The following ADGRB3 variants were observed in gnomAD, a reference collection of about 807,000 sequenced individuals.
ADGRB3 encodes the protein adhesion G protein-coupled receptor B3.
ADGRB3 carries 37 observed loss-of-function variants against 193.4 expected under a neutral mutation model. That is an observed-to-expected ratio of 0.19 (90% confidence interval 0.15 to 0.25). The LOEUF is 0.25. Among genes scored for constraint, ADGRB3 ranks in the 10% least tolerant of loss-of-function variants. The probability of loss-of-function intolerance (pLI) is 1.00; values close to 1 mark genes in which losing one functional copy is unlikely to be tolerated. For synonymous variants in ADGRB3, 690 were observed against 644.2 expected, an observed-to-expected ratio of 1.07 and a Z score of -1.08; for missense variants, 1,637 against 1,852.9, an observed-to-expected ratio of 0.88 and a Z score of 2.14.
chr6:68,995,870 A>G (rs1021812058), intron 11 of ADGRB3, among the ~76,000 whole-genome samples: 1 of 151,920 alleles, frequency 6.6e-6, no homozygotes, highest in Non-Finnish European at 1.5e-5. Flanking sequence ...TCTGAAAATG[A>G]TTTTTCTCTT....
chr6:68,783,409 C>G (rs1160276485), intron 3 of ADGRB3, among the ~76,000 whole-genome samples: 2 of 150,594 alleles, frequency 1.3e-5, no homozygotes, highest in Admixed American at 6.6e-5. Context: ...CTAGGCTATA[C>G]TGCAGTAGCC....
intron 3 of ADGRB3, among the ~76,000 whole-genome samples, chr6:68,728,340 T>C (rs9351734): frequency 0.28 from 42,179 of 151,116 alleles, 6,456 homozygotes; most frequent in Middle Eastern, 0.35. Context: ...GATTTATGTA[T>C]GCAAATTAAG....
chr6:69,380,674 A>T (rs1002371324), intron 30 of ADGRB3, among the ~76,000 whole-genome samples: 1 of 151,964 alleles, frequency 6.6e-6, no homozygotes, highest in African/African-American at 2.4e-5. Context: ...CCTCACTTGG[A>T]TTTATCTTAG....
intron 13 of ADGRB3, among the ~76,000 whole-genome samples, chr6:69,031,955 C>T (rs1770724559): frequency 6.6e-6 from 1 of 152,014 alleles, no homozygotes; most frequent in South Asian, 2.1e-4. Flanking sequence ...CTATGAAGAG[C>T]TTGAATTTCT....
chr6:69,360,418 A>G (rs1582656437), intron 28 of ADGRB3, among the ~76,000 whole-genome samples: 1 of 152,058 alleles, frequency 6.6e-6, no homozygotes, highest in South Asian at 2.1e-4. Context: ...TTCAAGAAGC[A>G]TTTTAATGAG....
chr6:68,744,494 C>G (rs1766043243), intron 3 of ADGRB3, among the ~76,000 whole-genome samples: 1 of 152,072 alleles, frequency 6.6e-6, no homozygotes, highest in South Asian at 2.1e-4. Context: ...GACCAAAAGC[C>G]CATCATTGAT....
chr6:69,042,055 A>G (rs1282204481), intron 13 of ADGRB3, among the ~76,000 whole-genome samples: 2 of 152,050 alleles, frequency 1.3e-5, no homozygotes, highest in Non-Finnish European at 2.9e-5. Context: ...GTGATAATTA[A>G]TTGGTTCTCA....
At chr6:68,709,514 A>G (rs180901468) in intron 3 of ADGRB3, among the ~76,000 whole-genome samples, 2 of 152,290 alleles carry the variant, frequency 1.3e-5, no homozygotes, top group African/African-American at 2.4e-5. Context: ...TGCCAGAGGA[A>G]TCAGGGGGCT....
At chr6:68,647,121 A>C (rs1768234659) in intron 3 of ADGRB3, among the ~76,000 whole-genome samples, 1 of 152,200 alleles carries the variant, frequency 6.6e-6, no homozygotes, top group African/African-American at 2.4e-5. Flanking sequence ...GCTCTCTAGA[A>C]TGAGACCTGC....
chr6:68,742,259 TC>T (rs1765996687), intron 3 of ADGRB3, among the ~76,000 whole-genome samples: 1 of 152,194 alleles, frequency 6.6e-6, no homozygotes, highest in East Asian at 1.9e-4. Flanking sequence ...ATATTGTAAT[TC>T]TTCCAGTTCT....
intron 17 of ADGRB3, among the ~76,000 whole-genome samples, chr6:69,174,790 A>G (rs1775379274): frequency 6.6e-6 from 1 of 152,144 alleles, no homozygotes; most frequent in Non-Finnish European, 1.5e-5. Flanking sequence ...ACTTTTTAAT[A>G]ATAGCTATTC....
chr6:69,006,389 C>A (rs1000555353), intron 11 of ADGRB3, among the ~76,000 whole-genome samples: 2 of 152,032 alleles, frequency 1.3e-5, no homozygotes, highest in South Asian at 2.1e-4. Flanking sequence ...GGAAAAAAAA[C>A]CCGCATTTAC....
chr6:69,293,994 C>A (rs2127293698), intron 20 of ADGRB3, among the ~76,000 whole-genome samples: 1 of 152,136 alleles, frequency 6.6e-6, no homozygotes, highest in Admixed American at 6.5e-5. Flanking sequence ...GAGGGTCTGC[C>A]AAAAATGTTG....
At chr6:68,980,740 C>G (rs1186530838) in intron 10 of ADGRB3, among the ~76,000 whole-genome samples, 2 of 151,474 alleles carry the variant, frequency 1.3e-5, no homozygotes, top group Non-Finnish European at 3.0e-5. Flanking sequence ...TTCAAGTATT[C>G]ACCAATTAGG....
Position 68,955,731 on chromosome 6 carries a change from G to A in ADGRB3, c.1196-293G>A, listed in dbSNP as rs567244137. Among the ~76,000 whole-genome samples, 6 of 152,032 alleles carry A rather than the reference G, an allele frequency of 3.9e-5. No individual in the cohort carries two copies. In the South Asian group the frequency reaches 1.2e-3, roughly 32 times the overall value. On this transcript the variant is annotated intron_variant, in intron 6 of 31. Transcript: ENST00000370598. ...TGCTTGAACCTGGGAGGCAGAGGTTGTAGTCAGCTGGGATCATGCCGTTAC... is the reference window on the plus strand; with the variant it reads ...TGCTTGAACCTGGGAGGCAGAGGTTATAGTCAGCTGGGATCATGCCGTTAC...
At chr6:68,852,077 T>C (rs1007246902) in intron 3 of ADGRB3, among the ~76,000 whole-genome samples, 1 of 151,932 alleles carries the variant, frequency 6.6e-6, no homozygotes, top group Non-Finnish European at 1.5e-5. Context: ...TTGCACTTTA[T>C]TCCAGTTGTT....
chr6:69,013,310 A>G (rs1288302585), intron 11 of ADGRB3, among the ~76,000 whole-genome samples: 1 of 152,242 alleles, frequency 6.6e-6, no homozygotes, highest in Admixed American at 6.5e-5. Context: ...AAGAAAAACC[A>G]GAAACCAATG....
rs556243325 is a variant in ADGRB3 at position 68,774,623 on chromosome 6, C to CTTTCTTT, written c.757+135199_757+135205dup. ...GCCTTTTTATATTTATTGCTTTTTTCTTTCTTTTTTCTTTATTTAGTGATC... is the reference window on the plus strand; with the variant it reads ...GCCTTTTTATATTTATTGCTTTTTTCTTTCTTTTTTCTTTTTTCTTTATTTAGTGATC... On this transcript the variant is annotated intron_variant, in intron 3 of 31. Transcript: ENST00000370598. Among the ~76,000 whole-genome samples the CTTTCTTT allele has an allele frequency of 7.4e-3, 1,122 of 151,766 alleles. 17 individuals carry two copies. The highest frequency in any genetic ancestry group is 0.026 in the African/African-American group (1,076 of 41,398).
chr6:69,158,415 A>G (rs1212262909), intron 17 of ADGRB3, among the ~76,000 whole-genome samples: 1 of 137,146 alleles, frequency 7.3e-6, no homozygotes, highest in African/African-American at 2.7e-5. Context: ...TAATTTACTC[A>G]CCCTCAGCTA....
Sources: allele counts gnomAD v4.1 joint callset (sites outside exome capture counted in the v4.1 genomes callset), GRCh38; gene constraint gnomAD v4.1.1; transcripts MANE v1.5; gene names NCBI Gene and HGNC (gene_info 2026-07-23, HGNC 2026-07-21).